Variants in SAMD5 observed in about 807,000 individuals in gnomAD.
SAMD5 encodes the protein sterile alpha motif domain containing 5, also known as sterile alpha motif domain-containing protein 5.
Under a neutral mutation model 11.3 loss-of-function variants are expected in SAMD5, and 13 were observed. The observed-to-expected ratio is 1.15, with a 90% confidence interval of 0.75 to 1.83. SAMD5 has a LOEUF of 1.83. Ranked by LOEUF, SAMD5 falls within the 40% of genes most tolerant of loss-of-function variation. The pLI is 0.00. For missense variants in SAMD5, 255 were observed against 239.1 expected, an observed-to-expected ratio of 1.07 and a Z score of -0.44; for synonymous variants, 129 against 111.3, an observed-to-expected ratio of 1.16 and a Z score of -1.00.
At chr6:147,600,888 C>T (rs559297628) in intron 1 of SAMD5, among the ~76,000 whole-genome samples, 29 of 152,172 alleles carry the variant, frequency 1.9e-4, no homozygotes, top group Non-Finnish European at 3.1e-4. Context: ...GCTGCTGTAG[C>T]AGTTCTACCC....
At chr6:147,621,730 G>A (rs1303504416) in intron 1 of SAMD5, among the ~76,000 whole-genome samples, 2 of 152,172 alleles carry the variant, frequency 1.3e-5, no homozygotes, top group Non-Finnish European at 2.9e-5. Flanking sequence ...TCCCTTCTGT[G>A]GGTGCTGTTT....
chr6:147,816,301 A>AAAAAAAAAAAATATATATAT, the SAMD5 span, among the ~76,000 whole-genome samples: 3 of 66,356 alleles, frequency 4.5e-5, no homozygotes, highest in African/African-American at 1.0e-4. Flanking sequence ...AAAAAAAAAA[A>AAAAAAAAAAAATATATATAT]ATATATATAT....
intron 1 of SAMD5, among the ~76,000 whole-genome samples, chr6:147,645,389 T>C (rs1054710655): frequency 6.6e-6 from 1 of 152,196 alleles, no homozygotes; most frequent in Non-Finnish European, 1.5e-5. Context: ...CTCATTTCTC[T>C]AAGCCCACGC....
intron 1 of SAMD5, among the ~76,000 whole-genome samples, chr6:147,655,444 C>T (rs376474461): frequency 3.9e-5 from 6 of 152,054 alleles, no homozygotes; most frequent in Non-Finnish European, 7.4e-5. Context: ...TGTATATCCA[C>T]GTTGCCCTAG....
At chr6:147,760,715 G>C in the SAMD5 span, among the ~76,000 whole-genome samples, 1 of 152,132 alleles carries the variant, frequency 6.6e-6, no homozygotes, top group Non-Finnish European at 1.5e-5. Context: ...GTAGGCAACC[G>C]TGTCAGTATC....
intron 1 of SAMD5, among the ~76,000 whole-genome samples, chr6:147,577,056 C>T (rs1789227010): frequency 6.6e-6 from 1 of 152,138 alleles, no homozygotes; most frequent in South Asian, 2.1e-4. Context: ...ATTAAGAAAA[C>T]CAGTAGGCAG....
At chr6:147,587,290 T>C (rs1223879328) in intron 1 of SAMD5, among the ~76,000 whole-genome samples, 1 of 152,126 alleles carries the variant, frequency 6.6e-6, no homozygotes, top group Non-Finnish European at 1.5e-5. Flanking sequence ...CAGGCTGGGG[T>C]ACAGTGACGT....
At position 147,654,658 on chromosome 6, in the gene SAMD5, G is replaced by A. The variant is rs114872794; in HGVS notation, c.163-82659G>A. 5.3e-3 allele frequency among the ~76,000 whole-genome samples: 799 copies of A among 152,122 alleles called. 12 individuals are homozygous for A. Among genetic ancestry groups the A allele is most frequent in the African/African-American group, 0.019 (777 of 41,490 alleles). The stretch of plus-strand genomic sequence containing the variant: ...CTGCCGCTGCTGCTGCTATCCTGAT[G>A]TAAGTGCCTGTGAGTAAGCAGTGAG... On this transcript the variant is annotated intron_variant, in intron 1 of 1. Coordinates refer to the SAMD5 transcript ENST00000566741.
At chr6:147,523,956 T>C (rs1788295196) in intron 1 of SAMD5, among the ~76,000 whole-genome samples, 1 of 152,148 alleles carries the variant, frequency 6.6e-6, no homozygotes, top group Non-Finnish European at 1.5e-5. Flanking sequence ...CATTATAGAT[T>C]AGAGTTGAGC....
chr6:147,616,009 C>T (rs1409428648), intron 1 of SAMD5, among the ~76,000 whole-genome samples: 1 of 146,966 alleles, frequency 6.8e-6, no homozygotes, highest in Non-Finnish European at 1.5e-5. Flanking sequence ...TCCACAACCT[C>T]GTAGGTGGTG....
chr6:147,912,147 G>T, the SAMD5 span, among the ~76,000 whole-genome samples: 158 of 151,632 alleles, frequency 1.0e-3, no homozygotes, highest in African/African-American at 3.7e-3. Flanking sequence ...TTTTTATGCT[G>T]AATGTTTATA....
the SAMD5 span, among the ~76,000 whole-genome samples, chr6:147,941,220 C>T: frequency 1.4e-4 from 21 of 152,298 alleles, no homozygotes; most frequent in South Asian, 2.9e-3. Flanking sequence ...TGATGCAGCA[C>T]GCCATCAGGG....
chr6:147,889,941 C>G, the SAMD5 span, among the ~76,000 whole-genome samples: 1 of 152,146 alleles, frequency 6.6e-6, no homozygotes, highest in Non-Finnish European at 1.5e-5. Flanking sequence ...ATTGGTGTCC[C>G]TAAACTCCAA....
intron 1 of SAMD5, among the ~76,000 whole-genome samples, chr6:147,623,693 T>G (rs1447646358): frequency 2.0e-5 from 3 of 152,226 alleles, no homozygotes; most frequent in Non-Finnish European, 2.9e-5. Context: ...GACTCTATTA[T>G]GCCTGATGTA....
At chr6:147,579,561 G>A (rs539273655) in intron 1 of SAMD5, among the ~76,000 whole-genome samples, 2 of 136,488 alleles carry the variant, frequency 1.5e-5, no homozygotes, top group Non-Finnish European at 3.0e-5. Flanking sequence ...TCCCTCCCAA[G>A]TTCAAGCAAT....
At chr6:147,573,252 A>T (rs1789165085), downstream of SAMD5, among the ~76,000 whole-genome samples, 1 of 152,058 alleles carries the variant, frequency 6.6e-6, no homozygotes, top group South Asian at 2.1e-4. Flanking sequence ...TGGGTGATTT[A>T]TAAAGGAAAG....
the SAMD5 span, among the ~76,000 whole-genome samples, chr6:147,940,324 T>C: frequency 6.6e-6 from 1 of 151,828 alleles, no homozygotes; most frequent in Non-Finnish European, 1.5e-5. Flanking sequence ...TAATGTAGTT[T>C]AGGGGGTGGA....
At chr6:147,929,978 C>CA in the SAMD5 span, among the ~76,000 whole-genome samples, 2 of 152,130 alleles carry the variant, frequency 1.3e-5, no homozygotes, top group Non-Finnish European at 2.9e-5. Context: ...TATTGTATGG[C>CA]ACTCTCCTAC....
the SAMD5 span, among the ~76,000 whole-genome samples, chr6:147,948,050 C>A: frequency 6.6e-6 from 1 of 152,038 alleles, no homozygotes; most frequent in African/African-American, 2.4e-5. Flanking sequence ...GTACTCAGCA[C>A]AATGTGGCGA....
Sources: gnomAD v4.1 joint callset for allele counts (sites outside exome capture counted in the v4.1 genomes callset) on GRCh38, gnomAD v4.1.1 for gene constraint, MANE v1.5 for transcripts, NCBI Gene and HGNC (gene_info 2026-07-23, HGNC 2026-07-21) for gene names.